The following VSIG10 variants were observed in gnomAD, a reference collection of about 807,000 sequenced individuals.
VSIG10 encodes V-set and immunoglobulin domain-containing protein 10.
Under a neutral mutation model 58.7 loss-of-function variants are expected in VSIG10, and 48 were observed. That is an observed-to-expected ratio of 0.82 (90% CI 0.65 to 1.04). VSIG10 has a LOEUF of 1.04. Among genes scored for constraint, VSIG10 ranks in the 50% least tolerant of loss-of-function variants. The probability of loss-of-function intolerance (pLI) is 0.00; values close to 1 mark genes in which losing one functional copy is unlikely to be tolerated. For synonymous variants in VSIG10, 260 were observed against 267.1 expected (o/e 0.97, Z 0.26); for missense variants, 628 against 670.0 (o/e 0.94, Z 0.69).
At position 118,066,245 on chromosome 12, in the gene VSIG10, C is replaced by CA. The variant is rs35019751; in HGVS notation, c.*393dup. On this transcript the variant is annotated 3_prime_UTR_variant, in exon 9 of 9. Coordinates refer to ENST00000359236, the MANE Select transcript of VSIG10 (RefSeq NM_019086.6). ...TGGGCAATAGAGGGAGACTCCGTCT[C>CA]AAAAAAAAAAAAAAAAAAAAAAAAA... 0.27 allele frequency: 10,798 copies of CA among 40,130 alleles called. 3,138 individuals are homozygous for CA. Among genetic ancestry groups the CA allele is most frequent in the Non-Finnish European group, 0.31 (7,608 of 24,454 alleles). 2.5% of individuals were successfully genotyped at this position (40,130 alleles called of 1,614,324 possible).
intron 1 of VSIG10, 129 bp from the exon 2 acceptor site, chr12:118,095,943 T>TC: frequency 9.3e-7 from 1 of 1,080,894 alleles, no homozygotes; most frequent in Non-Finnish European, 1.3e-6. Context: ...TTTTTTTTTT[T>TC]GAGACGGAGT....
intron 2 of VSIG10, among the ~76,000 whole-genome samples, chr12:118,091,978 T>C (rs1447903045): frequency 2.0e-5 from 3 of 152,104 alleles, no homozygotes; most frequent in Non-Finnish European, 4.4e-5. Context: ...AGGCTGGTCT[T>C]GAACTGACCT....
intron 6 of VSIG10, 83 bp downstream of exon 6, chr12:118,071,276 G>C: frequency 7.1e-7 from 1 of 1,398,856 alleles, no homozygotes; most frequent in African/African-American, 1.4e-5. Context: ...CTTCAGGTGG[G>C]AGCAAGGCAG....
At chr12:118,072,378 TG>T (rs2032531918) in intron 5 of VSIG10, among the ~76,000 whole-genome samples, 1 of 149,076 alleles carries the variant, frequency 6.7e-6, no homozygotes, top group Non-Finnish European at 1.5e-5. Flanking sequence ...GGCAGGAGAA[TG>T]GCATGAACCC....
At chr12:118,101,109 TCTC>T (rs1401055538) in intron 1 of VSIG10, among the ~76,000 whole-genome samples, 1 of 152,196 alleles carries the variant, frequency 6.6e-6, no homozygotes, top group Admixed American at 6.5e-5. Flanking sequence ...ACATTTCACT[TCTC>T]CTGGTTTGGC....
chr12:118,082,851 G>C lies in VSIG10; in HGVS notation c.362-422C>G, dbSNP rs994715745. Among the ~76,000 whole-genome samples, 3 of 149,312 alleles carry C rather than the reference G, an allele frequency of 2.0e-5. No individual in the cohort carries two copies. The Admixed American group carries it at 2.0e-4, about 10-fold the overall frequency. The stretch of plus-strand genomic sequence containing the variant: ...AATTAGGGCCAGCGCGGTGGCTCAT[G>C]CCTGAATTCCCAGCACTTTAGGAGG... On this transcript the variant is annotated intron_variant, in intron 2 of 8. Coordinates refer to ENST00000359236, the MANE Select transcript of VSIG10 (RefSeq NM_019086.6).
intron 2 of VSIG10, among the ~76,000 whole-genome samples, chr12:118,086,751 AT>A (rs2033139970): frequency 6.6e-6 from 1 of 152,050 alleles, no homozygotes; most frequent in Non-Finnish European, 1.5e-5. Context: ...TGTTTAATCA[AT>A]TTATTTATTT....
At chr12:118,069,654 C>T (rs1045478804) in intron 7 of VSIG10, among the ~76,000 whole-genome samples, 3 of 151,614 alleles carry the variant, frequency 2.0e-5, no homozygotes, top group South Asian at 2.1e-4. Flanking sequence ...CTCGAACTCC[C>T]GACCTCAGGT....
At chr12:118,069,820 C>A (rs1243953156) in intron 7 of VSIG10, among the ~76,000 whole-genome samples, 1 of 152,192 alleles carries the variant, frequency 6.6e-6, no homozygotes, top group African/African-American at 2.4e-5. Context: ...TCTTCACAAA[C>A]CCCCTGGTGA....
chr12:118,098,782 G>C (rs1020713402), intron 1 of VSIG10, among the ~76,000 whole-genome samples: 1 of 152,134 alleles, frequency 6.6e-6, no homozygotes, highest in South Asian at 2.1e-4. Context: ...GGCAGCCGCA[G>C]CATGTTAGAA....
At chr12:118,095,357 T>A (rs1280281544) in intron 2 of VSIG10, among the ~76,000 whole-genome samples, 176 bp downstream of exon 2, 1 of 152,170 alleles carries the variant, frequency 6.6e-6, no homozygotes, top group Non-Finnish European at 1.5e-5. Flanking sequence ...ATTCTTTTTA[T>A]CTCCATTTTA....
intron 5 of VSIG10, 99 bp downstream of exon 5, chr12:118,073,600 T>G: frequency 7.2e-7 from 1 of 1,387,830 alleles, no homozygotes. Context: ...CAGTTGGCAG[T>G]GACCCATGTG....
chr12:118,080,442 G>C (rs1176175324), intron 3 of VSIG10, among the ~76,000 whole-genome samples: 1 of 152,008 alleles, frequency 6.6e-6, no homozygotes, highest in African/African-American at 2.4e-5. Context: ...TTATAGACGT[G>C]AGCCACCGCG....
chr12:118,080,192 G>T (rs1216856854), intron 3 of VSIG10, among the ~76,000 whole-genome samples: 1 of 151,106 alleles, frequency 6.6e-6, no homozygotes, highest in Admixed American at 6.6e-5. Flanking sequence ...TAGAGACAGG[G>T]TTTTGCCATG....
intron 3 of VSIG10, among the ~76,000 whole-genome samples, chr12:118,081,751 T>A (rs898526835): frequency 6.6e-6 from 1 of 152,114 alleles, no homozygotes; most frequent in African/African-American, 2.4e-5. Flanking sequence ...GCGCAGTGGC[T>A]CACGCCTGTA....
intron 2 of VSIG10, among the ~76,000 whole-genome samples, chr12:118,091,690 A>C (rs780633526): frequency 5.3e-5 from 8 of 152,146 alleles, no homozygotes; most frequent in Non-Finnish European, 1.0e-4. Flanking sequence ...TCTTTATTTT[A>C]CAGATGAGGA....
chr12:118,082,463 T>C, intron 2 of VSIG10, 34 bp from the exon 3 acceptor site: 2 of 1,583,820 alleles, frequency 1.3e-6, no homozygotes, highest in Non-Finnish European at 1.7e-6. Flanking sequence ...ATGGCATTAA[T>C]TATGTAAGAG....
chr12:118,096,072 C>T (rs7137434), intron 1 of VSIG10, among the ~76,000 whole-genome samples: 4,420 of 151,994 alleles, frequency 0.029, 188 homozygotes, highest in African/African-American at 0.096. Context: ...ATTACAGGCA[C>T]GTGCCACCAC....
chr12:118,086,749 C>T (rs1400152697), intron 2 of VSIG10, among the ~76,000 whole-genome samples: 1 of 152,032 alleles, frequency 6.6e-6, no homozygotes, highest in Non-Finnish European at 1.5e-5. Context: ...TTTGTTTAAT[C>T]AATTTATTTA....
Sources: gnomAD v4.1 joint callset for allele counts (sites outside exome capture counted in the v4.1 genomes callset) on GRCh38, gnomAD v4.1.1 for gene constraint, MANE v1.5 for transcripts, NCBI Gene and HGNC (gene_info 2026-07-23, HGNC 2026-07-21) for gene names.